Variants in DHDDS observed in about 807,000 individuals in gnomAD.
DHDDS encodes dehydrodolichyl diphosphate synthase subunit.
In DHDDS, 16 loss-of-function variants were observed where a neutral mutation model predicts 46.2. The ratio of observed to expected loss-of-function variants is 0.35; its 90% CI spans 0.23 to 0.53. The LOEUF is 0.53. DHDDS is among the 20% of genes least tolerant of loss of function. The pLI is 0.94. For synonymous variants in DHDDS, 151 were observed against 163.1 expected, an observed-to-expected ratio of 0.93 and a Z score of 0.56; for missense variants, 340 against 423.7, an observed-to-expected ratio of 0.80 and a Z score of 1.73.
chr1:26,437,636 C>T (rs1386188718), intron 2 of DHDDS, among the ~76,000 whole-genome samples: 2 of 151,734 alleles, frequency 1.3e-5, no homozygotes, highest in Non-Finnish European at 2.9e-5. Flanking sequence ...CCATCATACC[C>T]GGCTAATTTT....
rs2075555181 is a variant in DHDDS at position 26,471,229 on chromosome 1, GC to G, written c.*2103del. 1 of 152,246 alleles carries G rather than the reference GC, an allele frequency of 6.6e-6. No homozygotes were observed. Among genetic ancestry groups the G allele is most frequent in the East Asian group, 1.9e-4 (1 of 5,198 alleles). The allele number at this position is 152,246 out of a possible 1,614,324, so 9.4% of individuals were successfully genotyped here. The stretch of plus-strand genomic sequence containing the variant: ...TAGTGTCCTTCCACCTGTGAGCCAA[GC>G]CCCCATTTGAGGACATCTATCGTAT... On this transcript the variant is annotated 3_prime_UTR_variant, in exon 9 of 9. Transcript: ENST00000236342.
chr1:26,467,699 T>C (rs577655850), intron 8 of DHDDS, among the ~76,000 whole-genome samples: 11 of 152,294 alleles, frequency 7.2e-5, no homozygotes, highest in Non-Finnish European at 1.3e-4. Context: ...AAAACATGTA[T>C]ACAAGTTTAT....
chr1:26,447,574 C>G lies in DHDDS; in HGVS notation c.456C>G (p.Val152=). 1 of 1,614,136 alleles carries G rather than the reference C, an allele frequency of 6.2e-7. No homozygotes were observed. The highest frequency in any genetic ancestry group is 8.5e-7 in the Non-Finnish European group (1 of 1,179,996). Residue 152 remains valine (V), a synonymous_variant, in exon 6 of 9, where the codon GTC becomes GTG. Coordinates refer to ENST00000236342, the MANE Select transcript of DHDDS (RefSeq NM_205861.3). ...CCCTCCTCAGGTGTTTCCTGAATGT[C>G]TGTTTTGCATACACATCCCGTCATG... The part of the protein sequence containing the change: ...TKNYNKCFLN[V]CFAYTSRHEI...
intron 8 of DHDDS, among the ~76,000 whole-genome samples, chr1:26,461,426 C>G (rs1444358955): frequency 2.0e-5 from 3 of 148,858 alleles, no homozygotes; most frequent in Non-Finnish European, 4.4e-5. Context: ...GCTCTTGCGG[C>G]CCAGGCTGGA....
chr1:26,453,323 T>C (rs889020413), intron 6 of DHDDS, among the ~76,000 whole-genome samples: 1 of 152,234 alleles, frequency 6.6e-6, no homozygotes, highest in Non-Finnish European at 1.5e-5. Flanking sequence ...GTTGGGTATA[T>C]AGGCAGTTTA....
intron 3 of DHDDS, chr1:26,438,640 A>G (rs571318662): frequency 3.5e-5 from 11 of 310,232 alleles, no homozygotes; most frequent in East Asian, 1.7e-4. Flanking sequence ...TGGGAGGACT[A>G]TCTGAGCCCA....
intron 4 of DHDDS, among the ~76,000 whole-genome samples, chr1:26,445,783 G>A (rs368787987): frequency 3.9e-5 from 6 of 151,916 alleles, no homozygotes; most frequent in African/African-American, 1.4e-4. Context: ...CAGCACTTGG[G>A]AGGCCGAGAC....
intron 8 of DHDDS, among the ~76,000 whole-genome samples, chr1:26,462,449 C>T (rs2075433748): frequency 6.6e-6 from 1 of 152,132 alleles, no homozygotes; most frequent in Non-Finnish European, 1.5e-5. Context: ...TTTGAGGTTT[C>T]ATGTATATTT....
At chr1:26,438,415 T>A (rs2124375813) in intron 3 of DHDDS, 131 bp downstream of exon 3, 2 of 879,276 alleles carry the variant, frequency 2.3e-6, no homozygotes, top group East Asian at 2.5e-5. Flanking sequence ...ATTGTTTGCT[T>A]GCTAGCTATA....
At chr1:26,444,963 C>G (rs1179090541) in intron 4 of DHDDS, among the ~76,000 whole-genome samples, 1 of 152,124 alleles carries the variant, frequency 6.6e-6, no homozygotes, top group Admixed American at 6.5e-5. Context: ...ATGAGAGAAG[C>G]TGGCTGAATT....
chr1:26,455,058 CT>C, intron 6 of DHDDS: 1 of 1,008,008 alleles, frequency 9.9e-7, no homozygotes, highest in Non-Finnish European at 1.6e-6. Flanking sequence ...TACTTCATGG[CT>C]TTTCGTATAT....
Position 26,433,770 on chromosome 1 carries a change from C to CT in DHDDS, c.63+763dup, listed in dbSNP as rs536878442. 2.6e-5 allele frequency among the ~76,000 whole-genome samples: 4 copies of CT among 151,876 alleles called. No individual in the cohort carries two copies. In the South Asian group the frequency reaches 8.3e-4, roughly 32 times the overall value. On this transcript the variant is annotated intron_variant, in intron 2 of 8. Coordinates refer to ENST00000236342, the MANE Select transcript of DHDDS (RefSeq NM_205861.3). ...TTTTATTTTGAGATGGAGTCTCGCTCTGTCGCCCAGGCTGGAGTGCAATGG... is the reference window on the plus strand; with the variant it reads ...TTTTATTTTGAGATGGAGTCTCGCTCTTGTCGCCCAGGCTGGAGTGCAATGG...
In DHDDS at chr1:26,457,803, G is replaced by A; in HGVS notation, c.555G>A (p.Glu185=). Residue 185 remains glutamate, a synonymous_variant, in exon 7 of 9, where the codon GAG becomes GAA. Coordinates refer to ENST00000236342, the MANE Select transcript of DHDDS (RefSeq NM_205861.3). ...TTGCTCATCTTAGTGATATCTCTGA[G>A]TCTCTGCTTGATAAGTGCCTCTATA... ...QGLLDPSDIS[E]SLLDKCLYTN... 6.2e-7 allele frequency: 1 copy of A among 1,612,870 alleles called. No individual in the cohort carries two copies. The highest frequency in any genetic ancestry group is 1.1e-5 in the South Asian group (1 of 91,038).
At chr1:26,458,836 A>T (rs1200119127) in intron 7 of DHDDS, among the ~76,000 whole-genome samples, 1 of 151,726 alleles carries the variant, frequency 6.6e-6, no homozygotes, top group Non-Finnish European at 1.5e-5. Context: ...AAGTTTACTG[A>T]TGGGCTGAAT....
At chr1:26,463,889 T>C (rs1197461927) in intron 8 of DHDDS, among the ~76,000 whole-genome samples, 3 of 151,974 alleles carry the variant, frequency 2.0e-5, no homozygotes, top group Non-Finnish European at 4.4e-5. Flanking sequence ...GTTGTGGCCA[T>C]AGCAATTGGT....
At chr1:26,438,127 G>C in intron 2 of DHDDS, 41 bp from the exon 3 acceptor site, 1 of 1,603,326 alleles carries the variant, frequency 6.2e-7, no homozygotes, top group Non-Finnish European at 8.5e-7. Flanking sequence ...TATCCCTGAA[G>C]AATATGAGAC....
At chr1:26,468,341 G>A (rs2075514276) in intron 8 of DHDDS, among the ~76,000 whole-genome samples, 1 of 152,184 alleles carries the variant, frequency 6.6e-6, no homozygotes, top group Admixed American at 6.5e-5. Context: ...GAAAACCTGG[G>A]GAGATCAAAG....
At chr1:26,455,986 C>T (rs2075366755) in intron 6 of DHDDS, among the ~76,000 whole-genome samples, 1 of 152,162 alleles carries the variant, frequency 6.6e-6, no homozygotes, top group African/African-American at 2.4e-5. Flanking sequence ...CCAACAGACA[C>T]CAGCCATGCA....
intron 6 of DHDDS, among the ~76,000 whole-genome samples, chr1:26,450,267 C>T (rs2075307019): frequency 6.6e-6 from 1 of 152,186 alleles, no homozygotes; most frequent in South Asian, 2.1e-4. Flanking sequence ...AGGAGCCTCT[C>T]AAGTACCCAG....
Sources: gnomAD v4.1 joint callset for allele counts (sites outside exome capture counted in the v4.1 genomes callset) on GRCh38, gnomAD v4.1.1 for gene constraint, MANE v1.5 for transcripts, NCBI Gene and HGNC (gene_info 2026-07-23, HGNC 2026-07-21) for gene names.